The following PTPRN2 variants were observed in gnomAD, a reference collection of about 807,000 sequenced individuals.
The protein encoded by PTPRN2 is receptor-type tyrosine-protein phosphatase N2.
Under a neutral mutation model 118.8 loss-of-function variants are expected in PTPRN2, and 74 were observed. The observed-to-expected ratio is 0.62, with a 90% CI of 0.52 to 0.76. The LOEUF (loss-of-function observed/expected upper bound fraction) is 0.76. Ranked by LOEUF, PTPRN2 falls within the 30% of genes least tolerant of loss-of-function variation. PTPRN2 has a pLI of 0.00. For missense variants in PTPRN2, 1,481 were observed against 1,394.4 expected (o/e 1.06, Z -0.99); for synonymous variants, 641 against 608.0 (o/e 1.05, Z -0.80).
chr7:158,067,781 G>C (rs890478997), intron 11 of PTPRN2, among the ~76,000 whole-genome samples: 7 of 152,158 alleles, frequency 4.6e-5, no homozygotes, highest in Admixed American at 6.5e-5. Context: ...GTCAGGCCGG[G>C]CCGCGGGCAG....
chr7:158,528,571 G>C (rs1824967583), intron 1 of PTPRN2, among the ~76,000 whole-genome samples: 2 of 151,836 alleles, frequency 1.3e-5, no homozygotes, highest in South Asian at 2.1e-4. Context: ...CGGATCAAGA[G>C]GTCAGGAGAT....
chr7:158,247,218 G>A (rs55944896), intron 3 of PTPRN2, among the ~76,000 whole-genome samples: 74,258 of 152,080 alleles, frequency 0.49, 18,486 homozygotes, highest in Non-Finnish European at 0.55. Flanking sequence ...CAGGAGCACC[G>A]AGGCGCACGC....
intron 12 of PTPRN2, among the ~76,000 whole-genome samples, chr7:157,844,484 C>G (rs1808658401): frequency 6.6e-6 from 1 of 152,106 alleles, no homozygotes; most frequent in African/African-American, 2.4e-5. Flanking sequence ...GAGGAACGAC[C>G]CAAAGCCACT....
intron 13 of PTPRN2, among the ~76,000 whole-genome samples, chr7:157,659,470 G>GC (rs1795784017): frequency 7.7e-6 from 1 of 129,546 alleles, no homozygotes; most frequent in Non-Finnish European, 1.6e-5. Flanking sequence ...CACAGGGATG[G>GC]GGGGGGCGGG....
chr7:157,579,252 C>T (rs1463804525), intron 17 of PTPRN2, among the ~76,000 whole-genome samples: 1 of 152,160 alleles, frequency 6.6e-6, no homozygotes, highest in Non-Finnish European at 1.5e-5. Flanking sequence ...ACATTTACAT[C>T]GGAAGCCAAT....
intron 12 of PTPRN2, among the ~76,000 whole-genome samples, chr7:157,827,501 G>T (rs991773009): frequency 1.3e-5 from 2 of 152,248 alleles, no homozygotes; most frequent in Admixed American, 6.5e-5. Flanking sequence ...GGCTGTGTGG[G>T]TGGTGGGGGT....
At chr7:158,171,010 C>G (rs921212148) in intron 5 of PTPRN2, among the ~76,000 whole-genome samples, 4 of 146,906 alleles carry the variant, frequency 2.7e-5, no homozygotes, top group Non-Finnish European at 6.0e-5. Context: ...TATATATATA[C>G]ACATACATAT....
At chr7:157,602,839 C>T (rs1009586861) in intron 16 of PTPRN2, among the ~76,000 whole-genome samples, 8 of 152,234 alleles carry the variant, frequency 5.3e-5, no homozygotes, top group East Asian at 1.9e-4. Flanking sequence ...TCCCTATGGA[C>T]GAGCAAAGAA....
At chr7:157,850,029 A>T (rs4019455) in intron 12 of PTPRN2, among the ~76,000 whole-genome samples, 104,240 of 152,120 alleles carry the variant, frequency 0.69, 36,096 homozygotes, top group East Asian at 0.95. Flanking sequence ...TTTCAGTTTA[A>T]ACCACTTTCT....
chr7:158,382,548 C>A (rs527462195), intron 2 of PTPRN2, among the ~76,000 whole-genome samples: 60 of 152,306 alleles, frequency 3.9e-4, no homozygotes, highest in Non-Finnish European at 7.6e-4. Flanking sequence ...GGCCATGAAC[C>A]AGTACAAGAA....
In PTPRN2 at chr7:158,382,409, TCTC is replaced by T. The variant is rs542551535; in HGVS notation, c.164-65480_164-65478del. 5.1e-3 allele frequency among the ~76,000 whole-genome samples: 770 copies of T among 152,028 alleles called. 9 individuals are homozygous for T. Among genetic ancestry groups the T allele is most frequent in the African/African-American group, 0.018 (732 of 41,464 alleles). The stretch of plus-strand genomic sequence containing the variant: ...CAAAGTATCCCATGAATGCGACTGT[TCTC>T]CTCCCCACTCCCCTCTTCTCTCCTC... On this transcript the variant is annotated intron_variant, in intron 2 of 22. Transcript: ENST00000389418.
Position 158,072,576 on chromosome 7 carries a change from AC to A in PTPRN2, c.1723+8721del, listed in dbSNP as rs140546737. Among the ~76,000 whole-genome samples, 1,049 of 152,214 alleles carry A rather than the reference AC, an allele frequency of 6.9e-3. 9 individuals carry two copies. Among genetic ancestry groups the A allele is most frequent in the African/African-American group, 0.023 (957 of 41,524 alleles). ...CCCAAGTGCTCAGGGACCCCTCCCT[AC>A]CCATCCCAGGCAGCTCTCGGACTTC... On this transcript the variant is annotated intron_variant, in intron 11 of 22. Coordinates refer to ENST00000389418, the MANE Select transcript of PTPRN2 (RefSeq NM_002847.5).
intron 11 of PTPRN2, among the ~76,000 whole-genome samples, chr7:158,011,161 C>A (rs1158172059): frequency 6.6e-6 from 1 of 152,222 alleles, no homozygotes; most frequent in African/African-American, 2.4e-5. Flanking sequence ...CCACACAAAA[C>A]CCCACCTGGG....
At chr7:158,536,194 T>C (rs1825633277) in intron 1 of PTPRN2, among the ~76,000 whole-genome samples, 1 of 152,138 alleles carries the variant, frequency 6.6e-6, no homozygotes, top group African/African-American at 2.4e-5. Context: ...AAATGCCCTT[T>C]AAATTTTGCT....
chr7:158,055,732 T>C (rs1030374542), intron 11 of PTPRN2, among the ~76,000 whole-genome samples: 2 of 152,228 alleles, frequency 1.3e-5, no homozygotes, highest in African/African-American at 4.8e-5. Flanking sequence ...CATGTGACCT[T>C]ACCTATCACT....
intron 14 of PTPRN2, among the ~76,000 whole-genome samples, chr7:157,626,429 T>C: frequency 6.6e-6 from 1 of 152,218 alleles, no homozygotes; most frequent in East Asian, 1.9e-4. Flanking sequence ...CTGATTTTTC[T>C]GTAATGAACC....
chr7:157,626,526 A>G (rs1373913622), intron 14 of PTPRN2, among the ~76,000 whole-genome samples: 2 of 151,860 alleles, frequency 1.3e-5, no homozygotes, highest in African/African-American at 4.8e-5. Flanking sequence ...CCACCCCATG[A>G]TCTTTCTTCC....
At chr7:158,164,524 G>A (rs796328327) in intron 6 of PTPRN2, among the ~76,000 whole-genome samples, 18 of 145,112 alleles carry the variant, frequency 1.2e-4, no homozygotes, top group African/African-American at 4.7e-4. Context: ...GGCTCAGAGC[G>A]GGAGCGCGCA....
chr7:158,146,195 G>A (rs1251022926), intron 6 of PTPRN2, among the ~76,000 whole-genome samples: 2 of 152,118 alleles, frequency 1.3e-5, no homozygotes, highest in African/African-American at 2.4e-5. Flanking sequence ...AGTCACACAA[G>A]CTGACAGGCA....
Sources: allele counts gnomAD v4.1 joint callset (sites outside exome capture counted in the v4.1 genomes callset), GRCh38; gene constraint gnomAD v4.1.1; transcripts MANE v1.5; gene names NCBI Gene and HGNC (gene_info 2026-07-23, HGNC 2026-07-21).